COL5A1: variants seen among roughly 807,000 people sequenced by gnomAD.
The protein encoded by COL5A1 is collagen alpha-1(V) chain.
A neutral mutation model predicts 263.7 loss-of-function variants in COL5A1; 16 were observed. That is an observed-to-expected ratio of 0.06 (90% CI 0.04 to 0.09). The LOEUF (loss-of-function observed/expected upper bound fraction) is 0.09. COL5A1 is among the 10% of genes least tolerant of loss of function. COL5A1 has a pLI of 1.00. For synonymous variants in COL5A1, 1,012 were observed against 1,004.5 expected (o/e 1.01, Z -0.14); for missense variants, 2,036 against 2,540.5 (o/e 0.80, Z 4.27).
At chr9:134,655,148 G>A (rs1831912533) in intron 1 of COL5A1, among the ~76,000 whole-genome samples, 1 of 150,836 alleles carries the variant, frequency 6.6e-6, no homozygotes, top group East Asian at 1.9e-4. Context: ...GGCTGGAGGT[G>A]TGTAGGGCTG....
At chr9:134,738,626 C>T in intron 10 of COL5A1, 111 bp downstream of exon 10, 1 of 1,550,596 alleles carries the variant, frequency 6.4e-7, no homozygotes, top group Non-Finnish European at 8.9e-7. Flanking sequence ...TCCGCTTTTG[C>T]AGATCCCCTG....
At chr9:134,649,232 A>G (rs1385412506) in intron 1 of COL5A1, among the ~76,000 whole-genome samples, 3 of 152,120 alleles carry the variant, frequency 2.0e-5, no homozygotes, top group South Asian at 2.1e-4. Flanking sequence ...TGAGTTATCC[A>G]TGTCAGATAG....
Position 134,642,138 on chromosome 9 carries a change from C to G in COL5A1, c.-50C>G, listed in dbSNP as rs1831308949. ...GCCGTGACCCGCGCCCCTGTGCGTC[C>G]CCGCGCGCCTCCGAGCGCCCCTGTG... On this transcript the variant is annotated 5_prime_UTR_variant, in exon 1 of 66. Coordinates refer to ENST00000371817, the MANE Select transcript of COL5A1 (RefSeq NM_000093.5). This position sits in a 1 kb window ranked among gnomAD's most constrained non-coding sequence, Gnocchi z 4.5. 4.0e-6 allele frequency: 5 copies of G among 1,236,284 alleles called. No individual in the cohort carries two copies. The highest frequency in any genetic ancestry group is 4.0e-5 in the South Asian group (1 of 25,008). 76.6% of individuals were successfully genotyped at this position (1,236,284 alleles called of 1,614,324 possible). A position where few individuals can be genotyped will look rare whatever the true frequency, so the allele number is the denominator to read the frequency against.
Position 134,765,838 on chromosome 9 carries a change from G to C in COL5A1, c.2088+104G>C. On this transcript the variant is annotated intron_variant, in intron 21 of 65. Transcript: ENST00000371817. This position sits in a 1 kb window ranked among gnomAD's most constrained non-coding sequence, Gnocchi z 5.1. ...GCACTGGGGCAGCAAGTCCGTGCTGGCCCCTCTGGCGCCTGCCTGCTGCCA... is the reference window on the plus strand; with the variant it reads ...GCACTGGGGCAGCAAGTCCGTGCTGCCCCCTCTGGCGCCTGCCTGCTGCCA... The C allele has an allele frequency of 3.2e-6, 3 of 933,360 alleles. No homozygotes were observed. Among genetic ancestry groups the C allele is most frequent in the African/African-American group, 1.7e-5 (1 of 60,592 alleles). The allele number at this position is 933,360 out of a possible 1,614,324, so 57.8% of individuals were successfully genotyped here. A position where few individuals can be genotyped will look rare whatever the true frequency, so the allele number is the denominator to read the frequency against.
chr9:134,694,542 C>T, intron 2 of COL5A1, among the ~76,000 whole-genome samples: 1 of 152,240 alleles, frequency 6.6e-6, no homozygotes. Context: ...CCATTTTCTG[C>T]ACTTGGGGGC....
chr9:134,654,521 G>GT (rs1831851082), intron 1 of COL5A1, among the ~76,000 whole-genome samples: 1 of 117,586 alleles, frequency 8.5e-6, no homozygotes, highest in Non-Finnish European at 1.7e-5. Flanking sequence ...CTGGAGGTGT[G>GT]CAGGGCTGGG....
chr9:134,738,422 G>T lies in COL5A1; in HGVS notation c.1390-52G>T. 4 of 1,609,908 alleles carry T rather than the reference G, an allele frequency of 2.5e-6. No individual in the cohort carries two copies. In the Admixed American group the frequency reaches 6.7e-5, roughly 27 times the overall value. On this transcript the variant is annotated intron_variant, in intron 9 of 65. Transcript: ENST00000371817. ...GCCGTCCACACCACTGGGGTCTGGGGTGTCGGGAGGGATGGGCTGCGGTCT... is the reference window on the plus strand; with the variant it reads ...GCCGTCCACACCACTGGGGTCTGGGTTGTCGGGAGGGATGGGCTGCGGTCT...
At chr9:134,735,484 C>T (rs989052922) in intron 9 of COL5A1, among the ~76,000 whole-genome samples, 6 of 142,062 alleles carry the variant, frequency 4.2e-5, no homozygotes, top group Admixed American at 6.9e-5. Flanking sequence ...TGGGCCGGGG[C>T]GGGAGCGGGG....
chr9:134,691,108 G>A (rs766421415), intron 2 of COL5A1, 29 bp downstream of exon 2: 12 of 1,610,836 alleles, frequency 7.4e-6, no homozygotes, highest in Admixed American at 5.0e-5. Context: ...TGTTTGGGGC[G>A]GTGGGTCCCG....
rs1424208076 is a variant in COL5A1, at chr9:134,789,169, C to A, written c.2661C>A (p.Phe887Leu). 2 of 1,612,958 alleles carry A rather than the reference C, an allele frequency of 1.2e-6. No individual in the cohort carries two copies. The highest frequency in any genetic ancestry group is 3.3e-5 in the Admixed American group (2 of 59,994). Residue 887 changes from phenylalanine (F) to leucine (L), a missense_variant, in exon 32 of 66, where the codon TTC becomes TTA. This residue lies in a region of COL5A1 where 1,078 missense variants were observed against 1,521.4 expected (regional missense o/e 0.71). Coordinates refer to ENST00000371817, the MANE Select transcript of COL5A1 (RefSeq NM_000093.5). The surrounding 1 kb of genome is among the most constrained non-coding windows in gnomAD (Gnocchi z 4.8). ...GRQGPKGSIG[F>L]PGFPGANGEK... ...CTCTCTTTCAGGGCTCTATTGGATT[C>A]CCTGGATTTCCTGGCGCCAATGGAG...
rs1440851644 is a variant in COL5A1, at chr9:134,758,471, T to C, written c.1935+175T>C. Reference sequence around the variant, plus strand: ...GCAATGGCAGTGAGCCCCAAGATGATGTCTTTGTTGATGGGTGGCCAGCCC... The same window carrying C: ...GCAATGGCAGTGAGCCCCAAGATGACGTCTTTGTTGATGGGTGGCCAGCCC... On this transcript the variant is annotated intron_variant, in intron 18 of 65. Transcript: ENST00000371817. The surrounding 1 kb of genome is among the most constrained non-coding windows in gnomAD (Gnocchi z 4.1). Among the ~76,000 whole-genome samples the C allele has an allele frequency of 1.3e-5, 2 of 151,980 alleles. No individual in the cohort carries two copies. The highest frequency in any genetic ancestry group is 4.8e-5 in the African/African-American group (2 of 41,374).
chr9:134,784,954 G>GGGGGGC, intron 29 of COL5A1, 35 bp from the exon 30 acceptor site: 1 of 1,462,688 alleles, frequency 6.8e-7, no homozygotes, highest in Non-Finnish European at 9.4e-7. Context: ...GTGTGCGGGG[G>GGGGGGC]GTGGTCTTCT....
intron 27 of COL5A1, 108 bp downstream of exon 27, chr9:134,775,020 A>C (rs934244773): frequency 6.5e-6 from 7 of 1,068,962 alleles, no homozygotes; most frequent in Non-Finnish European, 9.9e-6. Context: ...TGTCCCTGCT[A>C]TTCAGTCTGG....
intron 4 of COL5A1, among the ~76,000 whole-genome samples, chr9:134,705,280 A>C (rs1588454300): frequency 1.8e-5 from 2 of 111,554 alleles, no homozygotes; most frequent in Non-Finnish European, 3.9e-5. Context: ...GTGCAAGGCC[A>C]GGGCTAACGG....
rs1410379002 is a variant in COL5A1 at position 134,666,041 on chromosome 9, C to T, written c.109+23745C>T. Among the ~76,000 whole-genome samples the T allele has an allele frequency of 8.5e-5, 13 of 152,204 alleles. No individual in the cohort carries two copies. In the East Asian group the frequency reaches 1.2e-3, roughly 14 times the overall value. On this transcript the variant is annotated intron_variant, in intron 1 of 65. Coordinates refer to ENST00000371817, the MANE Select transcript of COL5A1 (RefSeq NM_000093.5). ...GGCGGAGGTTGCAGTGAGCCGAGAT[C>T]GCGCCACTGCACTCCAGCCTGGGTG...
chr9:134,759,447 C>G (rs569126831), intron 18 of COL5A1, among the ~76,000 whole-genome samples: 2 of 96,828 alleles, frequency 2.1e-5, no homozygotes, highest in Non-Finnish European at 3.7e-5. Flanking sequence ...ACACCCACAC[C>G]CACACACTCA....
Position 134,646,445 on chromosome 9 carries a change from C to T in COL5A1, c.109+4149C>T, listed in dbSNP as rs955489255. ...TCCTCCACCTCTGGCTTTAATCTTG[C>T]TCTCTTCCCTCCTTCTGACAGGACA... On this transcript the variant is annotated intron_variant, in intron 1 of 65. Coordinates refer to ENST00000371817, the MANE Select transcript of COL5A1 (RefSeq NM_000093.5). Among the ~76,000 whole-genome samples the T allele has an allele frequency of 3.3e-5, 5 of 152,176 alleles. 1 individual carries two copies. The highest frequency in any genetic ancestry group is 2.6e-4 in the Admixed American group (4 of 15,284).
chr9:134,811,454 G>T, intron 45 of COL5A1, 38 bp from the exon 46 acceptor site: 1 of 1,613,494 alleles, frequency 6.2e-7, no homozygotes, highest in Non-Finnish European at 8.5e-7. Flanking sequence ...TGCTGGCATT[G>T]CCAGCATCCT....
intron 26 of COL5A1, 116 bp from the exon 27 acceptor site, chr9:134,774,743 G>A (rs1202263956): frequency 1.9e-6 from 2 of 1,074,580 alleles, no homozygotes; most frequent in African/African-American, 3.1e-5. Context: ...GCTCTGAGCT[G>A]GGATGTTCGC....
Sources: gnomAD v4.1 joint callset for allele counts (sites outside exome capture counted in the v4.1 genomes callset) on GRCh38, gnomAD v4.1.1 for gene constraint, gnomAD v4.1.1 regional missense constraint, Gnocchi (gnomAD v3.1) non-coding constraint, MANE v1.5 for transcripts, NCBI Gene and HGNC (gene_info 2026-07-23, HGNC 2026-07-21) for gene names.